CFAP299: variants seen among roughly 807,000 people sequenced by gnomAD.
CFAP299 encodes the protein cilia- and flagella-associated protein 299.
A neutral mutation model predicts 27.0 loss-of-function variants in CFAP299; 21 were observed. That is an observed-to-expected ratio of 0.78 (90% confidence interval 0.55 to 1.12). The LOEUF (loss-of-function observed/expected upper bound fraction) is 1.12. Among genes scored for constraint, CFAP299 ranks in the 50% most tolerant of loss-of-function variants. CFAP299 has a pLI of 0.00. For synonymous variants in CFAP299, 104 were observed against 98.1 expected (o/e 1.06, Z -0.36); for missense variants, 310 against 276.6 (o/e 1.12, Z -0.86).
At chr4:80,586,831 A>G (rs1257273443) in intron 3 of CFAP299, among the ~76,000 whole-genome samples, 4 of 152,152 alleles carry the variant, frequency 2.6e-5, no homozygotes, top group Non-Finnish European at 5.9e-5. Context: ...ACCCATTGAC[A>G]CTTATTTTCC....
intron 2 of CFAP299, among the ~76,000 whole-genome samples, chr4:80,490,206 T>G (rs1054908286): frequency 1.2e-3 from 185 of 152,328 alleles, no homozygotes; most frequent in African/African-American, 4.2e-3. Flanking sequence ...ATACCAATTC[T>G]CAAGTGGTTT....
At chr4:80,731,055 G>A (rs1051198038) in intron 3 of CFAP299, among the ~76,000 whole-genome samples, 5 of 152,104 alleles carry the variant, frequency 3.3e-5, no homozygotes, top group African/African-American at 1.2e-4. Context: ...TAGACACACT[G>A]ACTCACAAAC....
intron 5 of CFAP299, among the ~76,000 whole-genome samples, chr4:80,945,835 C>T (rs1737442593): frequency 6.6e-6 from 1 of 152,080 alleles, no homozygotes; most frequent in South Asian, 2.1e-4. Context: ...TTCATATCCA[C>T]TTAGTACAGT....
rs138682170 is a variant in CFAP299, at chr4:80,438,167, T to C, written c.242+75283T>C. 3.5e-3 allele frequency among the ~76,000 whole-genome samples: 538 copies of C among 152,206 alleles called. 2 individuals carry two copies. Among genetic ancestry groups the C allele is most frequent in the African/African-American group, 0.012 (503 of 41,530 alleles). On this transcript the variant is annotated intron_variant, in intron 2 of 5. Coordinates refer to ENST00000358105, the MANE Select transcript of CFAP299 (RefSeq NM_152770.3). Reference sequence around the variant, plus strand: ...GAAAAATTAATGCAAGGAAACAGAATAGAGGGGTGAGATTAGTGTGGGTTG... The same window carrying C: ...GAAAAATTAATGCAAGGAAACAGAACAGAGGGGTGAGATTAGTGTGGGTTG...
chr4:80,704,590 T>C (rs1457913641), intron 3 of CFAP299, among the ~76,000 whole-genome samples: 4 of 151,834 alleles, frequency 2.6e-5, no homozygotes, highest in Non-Finnish European at 5.9e-5. Context: ...ATAATAGATA[T>C]AGCAGATAAT....
chr4:80,401,503 G>A (rs1726154118), intron 2 of CFAP299, among the ~76,000 whole-genome samples: 1 of 152,220 alleles, frequency 6.6e-6, no homozygotes, highest in African/African-American at 2.4e-5. Context: ...AGTCTTGGCA[G>A]CTTCCACATG....
chr4:80,521,610 C>A (rs1295445145), intron 2 of CFAP299, among the ~76,000 whole-genome samples: 1 of 151,960 alleles, frequency 6.6e-6, no homozygotes, highest in Non-Finnish European at 1.5e-5. Flanking sequence ...GACAACAGCT[C>A]ACCACTTCCC....
At chr4:80,736,636 T>A (rs1159482940) in intron 3 of CFAP299, among the ~76,000 whole-genome samples, 1 of 152,122 alleles carries the variant, frequency 6.6e-6, no homozygotes, top group African/African-American at 2.4e-5. Flanking sequence ...CCAGTTAGAA[T>A]GGCATTCATT....
intron 4 of CFAP299, among the ~76,000 whole-genome samples, chr4:80,896,329 G>A (rs1026124802): frequency 3.9e-5 from 6 of 152,044 alleles, no homozygotes; most frequent in African/African-American, 1.4e-4. Flanking sequence ...AAAAAGGAAA[G>A]TAAAAGGAAA....
intron 2 of CFAP299, among the ~76,000 whole-genome samples, chr4:80,578,575 G>A (rs962313337): frequency 6.6e-6 from 1 of 152,038 alleles, no homozygotes; most frequent in African/African-American, 2.4e-5. Flanking sequence ...ATGAACTTAG[G>A]ATATTTCAGG....
intron 4 of CFAP299, among the ~76,000 whole-genome samples, chr4:80,943,373 G>C (rs922235187): frequency 1.3e-5 from 2 of 152,152 alleles, no homozygotes; most frequent in African/African-American, 4.8e-5. Context: ...TAATATGAAA[G>C]TGGTAATAAT....
chr4:80,730,493 T>A (rs1225375419), intron 3 of CFAP299, among the ~76,000 whole-genome samples: 1 of 151,270 alleles, frequency 6.6e-6, no homozygotes, highest in African/African-American at 2.4e-5. Flanking sequence ...GGGCCTCTGG[T>A]GGCTGCTGGG....
At chr4:80,417,116 G>GA (rs1727055122) in intron 2 of CFAP299, among the ~76,000 whole-genome samples, 1 of 152,194 alleles carries the variant, frequency 6.6e-6, no homozygotes, top group Admixed American at 6.5e-5. Context: ...TCCCAGAACT[G>GA]AGAGTTTCTC....
intron 2 of CFAP299, chr4:80,387,026 G>A: frequency 7.8e-7 from 1 of 1,276,580 alleles, no homozygotes; most frequent in South Asian, 1.2e-5. Flanking sequence ...GCTGCAGGTA[G>A]CGTTCACAAG....
At chr4:80,464,772 T>C (rs1241874183) in intron 2 of CFAP299, among the ~76,000 whole-genome samples, 3 of 152,126 alleles carry the variant, frequency 2.0e-5, no homozygotes, top group Non-Finnish European at 2.9e-5. Flanking sequence ...CTTGTCATAA[T>C]ATTTTGACAT....
the CFAP299 span, among the ~76,000 whole-genome samples, chr4:80,322,870 T>C: frequency 6.6e-5 from 10 of 152,232 alleles, no homozygotes; most frequent in African/African-American, 2.4e-4. Flanking sequence ...AAGTTGATCC[T>C]GCAGGGCACC....
At chr4:80,805,596 C>T (rs1319942231) in intron 3 of CFAP299, among the ~76,000 whole-genome samples, 1 of 152,128 alleles carries the variant, frequency 6.6e-6, no homozygotes, top group Non-Finnish European at 1.5e-5. Context: ...ATAATCCCAG[C>T]ACTTTGGGAG....
chr4:80,925,349 G>A (rs1441615969), intron 4 of CFAP299, among the ~76,000 whole-genome samples: 1 of 151,740 alleles, frequency 6.6e-6, no homozygotes, highest in Non-Finnish European at 1.5e-5. Context: ...TGAAACAATG[G>A]ATTTTTAAAT....
At chr4:80,624,157 T>A (rs1349939880) in intron 3 of CFAP299, among the ~76,000 whole-genome samples, 1 of 152,010 alleles carries the variant, frequency 6.6e-6, no homozygotes, top group Non-Finnish European at 1.5e-5. Context: ...CATTGACTGT[T>A]CCTAAAAATA....
Sources: gnomAD v4.1 joint callset for allele counts (sites outside exome capture counted in the v4.1 genomes callset) on GRCh38, gnomAD v4.1.1 for gene constraint, MANE v1.5 for transcripts, NCBI Gene and HGNC (gene_info 2026-07-23, HGNC 2026-07-21) for gene names.